Variants in TEKT2 observed in about 807,000 individuals in gnomAD.
The protein encoded by TEKT2 is tektin-2.
TEKT2 carries 45 observed loss-of-function variants against 49.8 expected under a neutral mutation model. The ratio of observed to expected loss-of-function variants is 0.90; its 90% CI spans 0.71 to 1.16. The LOEUF is 1.16. Ranked by LOEUF, TEKT2 falls within the 50% of genes most tolerant of loss-of-function variation. TEKT2 has a pLI of 0.00. For missense variants in TEKT2, 523 were observed against 551.4 expected (o/e 0.95, Z 0.52); for synonymous variants, 202 against 224.6 (o/e 0.90, Z 0.90).
rs1410357039 is a variant in TEKT2, at chr1:36,085,152, G to T, written c.157-11G>T. The T allele has an allele frequency of 6.2e-7, 1 of 1,614,228 alleles. No homozygotes were observed. The highest frequency in any genetic ancestry group is 1.7e-5 in the Admixed American group (1 of 60,032). ...CTTGACACCCTCTCTATCTGGCTCTGTCTCTCTCAGACCATTTGGGATGAA... is the reference window on the plus strand; with the variant it reads ...CTTGACACCCTCTCTATCTGGCTCTTTCTCTCTCAGACCATTTGGGATGAA... On this transcript the variant is annotated splice_polypyrimidine_tract_variant and intron_variant, in intron 2 of 9. Coordinates refer to ENST00000207457, the MANE Select transcript of TEKT2 (RefSeq NM_014466.3).
intron 3 of TEKT2, 46 bp from the exon 4 acceptor site, chr1:36,085,790 G>A: frequency 1.3e-6 from 2 of 1,584,644 alleles, no homozygotes; most frequent in South Asian, 2.3e-5. Flanking sequence ...GAAGTGCTGG[G>A]ATTACAGATG....
At chr1:36,086,565 G>A (rs1643377561) in intron 4 of TEKT2, 139 bp from the exon 5 acceptor site, 1 of 1,132,450 alleles carries the variant, frequency 8.8e-7, no homozygotes, top group Admixed American at 1.7e-5. Context: ...GCTGCTCTTG[G>A]TCTCAGTGGC....
chr1:36,084,626 A>G lies in TEKT2; in HGVS notation c.-52-244A>G, dbSNP rs977249715. ...CACACTTCGAGGCTTCCGGGACTCCATTATTCCTTTTTACCTGCTCCAGGA... is the reference window on the plus strand; with the variant it reads ...CACACTTCGAGGCTTCCGGGACTCCGTTATTCCTTTTTACCTGCTCCAGGA... On this transcript the variant is annotated intron_variant, in intron 1 of 9. Coordinates refer to ENST00000207457, the MANE Select transcript of TEKT2 (RefSeq NM_014466.3). This position sits in a 1 kb window ranked among gnomAD's most constrained non-coding sequence, Gnocchi z 4.1. 4.9e-5 allele frequency: 26 copies of G among 533,644 alleles called. No homozygotes were observed. The highest frequency in any genetic ancestry group is 4.0e-4 in the African/African-American group (21 of 52,616). The allele number at this position is 533,644 out of a possible 1,614,324, so 33.1% of individuals were successfully genotyped here.
In TEKT2 at chr1:36,087,016, A is replaced by C; in HGVS notation, c.718A>C (p.Arg240=). Residue 240 remains arginine, a synonymous_variant, in exon 6 of 10, where the codon AGG becomes CGG. Transcript: ENST00000207457. This position sits in a 1 kb window ranked among gnomAD's most constrained non-coding sequence, Gnocchi z 4.9. ...EAEMKAATEL[R]EATALTIAET... Reference sequence around the variant, plus strand: ...TGAGATGAAGGCAGCCACAGAGCTGAGGGAGGCCACTGCTCTAACTATTGC... The same window carrying C: ...TGAGATGAAGGCAGCCACAGAGCTGCGGGAGGCCACTGCTCTAACTATTGC... The C allele has an allele frequency of 6.2e-7, 1 of 1,614,026 alleles. No homozygotes were observed. The highest frequency in any genetic ancestry group is 8.5e-7 in the Non-Finnish European group (1 of 1,180,030).
In TEKT2 at chr1:36,087,630, T is replaced by C. The variant is rs902164494; in HGVS notation, c.999+48T>C. On this transcript the variant is annotated intron_variant, in intron 8 of 9. Coordinates refer to ENST00000207457, the MANE Select transcript of TEKT2 (RefSeq NM_014466.3). The surrounding 1 kb of genome is among the most constrained non-coding windows in gnomAD (Gnocchi z 4.9). ...CACGGGCCCCCTAGCCAAGGTTTTCTCATATTCCTGATGGAGCAAGGGCAC... is the reference window on the plus strand; with the variant it reads ...CACGGGCCCCCTAGCCAAGGTTTTCCCATATTCCTGATGGAGCAAGGGCAC... The C allele has an allele frequency of 6.2e-6, 10 of 1,613,102 alleles. No individual in the cohort carries two copies. The Admixed American group carries it at 1.3e-4, about 22-fold the overall frequency.
rs1204070112 is a variant in TEKT2, at chr1:36,087,828, G to C, written c.1079+21G>C. The C allele has an allele frequency of 6.2e-7, 1 of 1,612,890 alleles. No individual in the cohort carries two copies. The highest frequency in any genetic ancestry group is 1.3e-5 in the African/African-American group (1 of 75,068). The stretch of plus-strand genomic sequence containing the variant: ...GCACAGTAGGTCTCGGGAGTGGGCG[G>C]AAGGAGCAGTGAGACGCTGCCCACA... On this transcript the variant is annotated intron_variant, in intron 9 of 9. Coordinates refer to ENST00000207457, the MANE Select transcript of TEKT2 (RefSeq NM_014466.3). The surrounding 1 kb of genome is among the most constrained non-coding windows in gnomAD (Gnocchi z 4.9).
In TEKT2 at chr1:36,087,810, A is replaced by G; in HGVS notation, c.1079+3A>G. ...AAGCAGAAGCTGGCGCAAGCACAGT[A>G]GGTCTCGGGAGTGGGCGGAAGGAGC... On this transcript the variant is annotated splice_donor_region_variant and intron_variant, in intron 9 of 9. Transcript: ENST00000207457. This position sits in a 1 kb window ranked among gnomAD's most constrained non-coding sequence, Gnocchi z 4.9. 1.9e-6 allele frequency: 3 copies of G among 1,613,594 alleles called. No homozygotes were observed. Among genetic ancestry groups the G allele is most frequent in the Non-Finnish European group, 2.5e-6 (3 of 1,179,920 alleles).
intron 4 of TEKT2, 151 bp from the exon 5 acceptor site, chr1:36,086,553 G>A: frequency 1.9e-6 from 2 of 1,037,326 alleles, no homozygotes; most frequent in Non-Finnish European, 3.0e-6. Flanking sequence ...TCATCCAGCT[G>A]TGCTGCTCTT....
rs1254860541 is a variant in TEKT2, at chr1:36,085,808, CCGTGCCCG to C, written c.283-27_283-20del. On this transcript the variant is annotated intron_variant, in intron 3 of 9. Coordinates refer to ENST00000207457, the MANE Select transcript of TEKT2 (RefSeq NM_014466.3). Reference sequence around the variant, plus strand: ...GTGCTGGGATTACAGATGTGAGCCACCGTGCCCGGCCGCGCCCTCTTTTCTAGATGAAG... The same window carrying C: ...GTGCTGGGATTACAGATGTGAGCCACGCCGCGCCCTCTTTTCTAGATGAAG... The C allele has an allele frequency of 6.2e-7, 1 of 1,604,304 alleles. No individual in the cohort carries two copies. Among genetic ancestry groups the C allele is most frequent in the East Asian group, 2.2e-5 (1 of 44,524 alleles).
In TEKT2 at chr1:36,087,824, G is replaced by T. The variant is rs770884687; in HGVS notation, c.1079+17G>T. Reference sequence around the variant, plus strand: ...GCAAGCACAGTAGGTCTCGGGAGTGGGCGGAAGGAGCAGTGAGACGCTGCC... The same window carrying T: ...GCAAGCACAGTAGGTCTCGGGAGTGTGCGGAAGGAGCAGTGAGACGCTGCC... On this transcript the variant is annotated intron_variant, in intron 9 of 9. Coordinates refer to ENST00000207457, the MANE Select transcript of TEKT2 (RefSeq NM_014466.3). This position sits in a 1 kb window ranked among gnomAD's most constrained non-coding sequence, Gnocchi z 4.9. 1 of 1,613,020 alleles carries T rather than the reference G, an allele frequency of 6.2e-7. No homozygotes were observed. The highest frequency in any genetic ancestry group is 8.5e-7 in the Non-Finnish European group (1 of 1,179,784).
chr1:36,085,109 A>G, intron 2 of TEKT2, 32 bp downstream of exon 2: 1 of 1,614,200 alleles, frequency 6.2e-7, no homozygotes, highest in Non-Finnish European at 8.5e-7. Context: ...GGGTGGGCAA[A>G]GGGATAGCCC....
In TEKT2 at chr1:36,088,150, G is replaced by C; in HGVS notation, c.1257G>C (p.Leu419=). 1 of 1,612,446 alleles carries C rather than the reference G, an allele frequency of 6.2e-7. No homozygotes were observed. The highest frequency in any genetic ancestry group is 8.5e-7 in the Non-Finnish European group (1 of 1,179,664). The part of the protein sequence containing the change: ...DTFTRTTNST[L]SPLKSCQLEL... ...TCACACGTACCACAAATAGCACCCTGAGTCCACTCAAAAGCTGCCAGCTGG... is the reference window on the plus strand; with the variant it reads ...TCACACGTACCACAAATAGCACCCTCAGTCCACTCAAAAGCTGCCAGCTGG... Residue 419 remains leucine, a synonymous_variant, in exon 10 of 10, where the codon CTG becomes CTC. Transcript: ENST00000207457.
rs745750830 is a variant in TEKT2, at chr1:36,086,814, C to T, written c.599C>T (p.Ser200Leu). 11 of 1,614,026 alleles carry T rather than the reference C, an allele frequency of 6.8e-6. No homozygotes were observed. Among genetic ancestry groups the T allele is most frequent in the Middle Eastern group, 1.6e-4 (1 of 6,084 alleles). The change falls in exon 5 of 10, where the codon TCG becomes TTG. Residue 200 changes from serine (S) to leucine (L), a missense_variant. Coordinates refer to ENST00000207457, the MANE Select transcript of TEKT2 (RefSeq NM_014466.3). Reference sequence around the variant, plus strand: ...CTCAACCTCAGATCCCCAAACATCTCGCTGAAGGTTGACCCCACACGTGTA... The same window carrying T: ...CTCAACCTCAGATCCCCAAACATCTTGCTGAAGGTTGACCCCACACGTGTA... ...LSLNLRSPNISLKVDPTRVPD... is the reference protein window; with the variant it reads ...LSLNLRSPNILLKVDPTRVPD...
At position 36,088,087 on chromosome 1, in the gene TEKT2, C is replaced by T. The variant is rs1643416441; in HGVS notation, c.1194C>T (p.Thr398=). ...GCATGGACACACGGCGCAAGCTGAC[C>T]GTGCCTGCTGAGAGGTTCGTGCCTG... The part of the protein sequence containing the change: ...TKCMDTRRKL[T]VPAERFVPEV... The change falls in exon 10 of 10, where the codon ACC becomes ACT. Residue 398 remains threonine (T), a synonymous_variant. Coordinates refer to ENST00000207457, the MANE Select transcript of TEKT2 (RefSeq NM_014466.3). The T allele has an allele frequency of 2.5e-6, 4 of 1,613,048 alleles. No individual in the cohort carries two copies. Among genetic ancestry groups the T allele is most frequent in the African/African-American group, 2.7e-5 (2 of 75,030 alleles).
At position 36,087,124 on chromosome 1, in the gene TEKT2, C is replaced by T; in HGVS notation, c.747+79C>T. The T allele has an allele frequency of 6.2e-7, 1 of 1,601,040 alleles. No homozygotes were observed. Among genetic ancestry groups the T allele is most frequent in the East Asian group, 2.2e-5 (1 of 44,736 alleles). ...CTTCTGTTCCCTGCTGTGCATGTGG[C>T]CCCCTGCCCCTCGCTTGAGTAATAT... is the stretch of plus-strand genomic sequence containing the variant. On this transcript the variant is annotated intron_variant, in intron 6 of 9. Coordinates refer to ENST00000207457, the MANE Select transcript of TEKT2 (RefSeq NM_014466.3). This position sits in a 1 kb window ranked among gnomAD's most constrained non-coding sequence, Gnocchi z 4.9.
chr1:36,085,668 C>CA (rs2124032565), intron 3 of TEKT2, 168 bp from the exon 4 acceptor site: 1 of 713,466 alleles, frequency 1.4e-6, no homozygotes, highest in African/African-American at 1.9e-5. Context: ...TACAGGCGTG[C>CA]GCCATCACTC....
chr1:36,085,824 C>A lies in TEKT2; in HGVS notation c.283-12C>A. ...TGTGAGCCACCGTGCCCGGCCGCGCCCTCTTTTCTAGATGAAGGAGTCAGC... is the reference window on the plus strand; with the variant it reads ...TGTGAGCCACCGTGCCCGGCCGCGCACTCTTTTCTAGATGAAGGAGTCAGC... On this transcript the variant is annotated splice_polypyrimidine_tract_variant and intron_variant, in intron 3 of 9. Coordinates refer to ENST00000207457, the MANE Select transcript of TEKT2 (RefSeq NM_014466.3). 1 of 1,612,488 alleles carries A rather than the reference C, an allele frequency of 6.2e-7. No homozygotes were observed. The highest frequency in any genetic ancestry group is 8.5e-7 in the Non-Finnish European group (1 of 1,179,448).
rs1159834731 is a variant in TEKT2, at chr1:36,085,507, CTTTTTTTTTTT to C, written c.282+234_282+244del. On this transcript the variant is annotated intron_variant, in intron 3 of 9. Coordinates refer to ENST00000207457, the MANE Select transcript of TEKT2 (RefSeq NM_014466.3). ...TTCTTTTTTTTTCTTTCTTTCTTTT[CTTTTTTTTTTT>C]TTTTTTTTTTTTTTGAGACAGCATC... Among the ~76,000 whole-genome samples, 46 of 82,564 alleles carry C rather than the reference CTTTTTTTTTTT, an allele frequency of 5.6e-4. 1 individual carries two copies. Among genetic ancestry groups the C allele is most frequent in the African/African-American group, 1.9e-3 (34 of 17,628 alleles). The allele number at this position is 82,564 out of a possible 152,430, so 54.2% of individuals were successfully genotyped here.
chr1:36,085,153 T>C lies in TEKT2; in HGVS notation c.157-10T>C. On this transcript the variant is annotated splice_polypyrimidine_tract_variant and intron_variant, in intron 2 of 9. Transcript: ENST00000207457. ...TTGACACCCTCTCTATCTGGCTCTG[T>C]CTCTCTCAGACCATTTGGGATGAAC... 6.2e-7 allele frequency: 1 copy of C among 1,614,166 alleles called. No individual in the cohort carries two copies. Among genetic ancestry groups the C allele is most frequent in the Non-Finnish European group, 8.5e-7 (1 of 1,180,028 alleles).
Sources: gnomAD v4.1 joint callset for allele counts (sites outside exome capture counted in the v4.1 genomes callset) on GRCh38, gnomAD v4.1.1 for gene constraint, Gnocchi (gnomAD v3.1) non-coding constraint, MANE v1.5 for transcripts, NCBI Gene and HGNC (gene_info 2026-07-23, HGNC 2026-07-21) for gene names.